Variants in LRP2 observed in about 807,000 individuals in gnomAD.
LRP2 encodes low-density lipoprotein receptor-related protein 2.
In LRP2, 172 loss-of-function variants were observed where a neutral mutation model predicts 531.0. That is an observed-to-expected ratio of 0.32 (90% CI 0.29 to 0.37). LRP2 has a LOEUF of 0.37. Among genes scored for constraint, LRP2 ranks in the 10% least tolerant of loss-of-function variants. The probability of loss-of-function intolerance (pLI) is 1.00; values close to 1 mark genes in which losing one functional copy is unlikely to be tolerated. For missense variants in LRP2, 5,167 were observed against 5,868.3 expected, an observed-to-expected ratio of 0.88 and a Z score of 3.90; for synonymous variants, 1,992 against 2,027.6, an observed-to-expected ratio of 0.98 and a Z score of 0.47.
Position 169,157,383 on chromosome 2 carries a change from T to C in LRP2, c.12007A>G (p.Thr4003Ala), listed in dbSNP as rs1558984303. ...AGFETNVFDR[T>A]SCLDINECEQ... ...AAATATACTCTACCTAGACAGGAGG[T>C]TCTGTCAAAAACATTGGTTTCGAAC... Residue 4003 changes from threonine (T) to alanine (A), a missense_variant, in exon 64 of 79, where the codon ACC becomes GCC. Coordinates refer to ENST00000649046, the MANE Select transcript of LRP2 (RefSeq NM_004525.3). The C allele has an allele frequency of 1.2e-6, 2 of 1,613,050 alleles. No homozygotes were observed. The highest frequency in any genetic ancestry group is 1.7e-5 in the Admixed American group (1 of 59,872).
intron 4 of LRP2, 84 bp from the exon 5 acceptor site, chr2:169,294,794 G>A: frequency 1.2e-6 from 1 of 839,828 alleles, no homozygotes; most frequent in Non-Finnish European, 1.9e-6. Context: ...CATTTATTGA[G>A]TGATTACTAT....
rs9967871 is a variant in LRP2 at position 169,153,239 on chromosome 2, C to T, written c.12296-275G>A. ...CATTTAAACGTATTTCAACAAAGTG[C>T]TTATTTACTCTTATTAGGATCAAGT... On this transcript the variant is annotated intron_variant, in intron 66 of 78. Coordinates refer to ENST00000649046, the MANE Select transcript of LRP2 (RefSeq NM_004525.3). Among the ~76,000 whole-genome samples, 1,481 of 152,296 alleles carry T rather than the reference C, an allele frequency of 9.7e-3. 23 individuals are homozygous for T. The highest frequency in any genetic ancestry group is 0.034 in the African/African-American group (1,393 of 41,568).
intron 4 of LRP2, among the ~76,000 whole-genome samples, chr2:169,300,337 C>A (rs548431425): frequency 6.6e-6 from 1 of 151,850 alleles, no homozygotes; most frequent in Non-Finnish European, 1.5e-5. Context: ...GATATTTGAA[C>A]AAGAACCATT....
chr2:169,136,664 GAAC>G (rs1685526664), intron 76 of LRP2, among the ~76,000 whole-genome samples: 1 of 129,956 alleles, frequency 7.7e-6, no homozygotes, highest in East Asian at 2.2e-4. Flanking sequence ...GCCCACCAGA[GAAC>G]AACCCCCCTT....
intron 45 of LRP2, among the ~76,000 whole-genome samples, chr2:169,197,759 A>G (rs1250945435): frequency 1.3e-5 from 2 of 152,202 alleles, no homozygotes; most frequent in Non-Finnish European, 2.9e-5. Context: ...AATAATTCCT[A>G]TCTGTCTAGC....
chr2:169,193,974 T>A, intron 46 of LRP2, 82 bp from the exon 47 acceptor site: 1 of 1,516,500 alleles, frequency 6.6e-7, no homozygotes, highest in South Asian at 1.1e-5. Context: ...GTAGCATGGG[T>A]TGTCTAGAAA....
Position 169,327,673 on chromosome 2 carries a change from C to CT in LRP2, c.80-6790_80-6789insA, listed in dbSNP as rs1431977015. 4.5e-5 allele frequency among the ~76,000 whole-genome samples: 5 copies of CT among 110,488 alleles called. 1 individual carries two copies. Among genetic ancestry groups the CT allele is most frequent in the Non-Finnish European group, 7.6e-5 (4 of 52,288 alleles). 72.5% of individuals were successfully genotyped at this position (110,488 alleles called of 152,430 possible). On this transcript the variant is annotated intron_variant, in intron 1 of 78. Coordinates refer to ENST00000649046, the MANE Select transcript of LRP2 (RefSeq NM_004525.3). ...GGGAGGGAGGTGGGGGGCTCAGCCC[C>CT]CTCCCGGCCAGCCGACCCATCCGGG... is the stretch of plus-strand genomic sequence containing the variant.
At chr2:169,204,365 C>T (rs1277541785) in intron 41 of LRP2, 94 bp from the exon 42 acceptor site, 47 of 1,178,004 alleles carry the variant, frequency 4.0e-5, no homozygotes, top group Non-Finnish European at 5.5e-5. Flanking sequence ...TCATTGTTTA[C>T]ACAAGCTGCA....
intron 4 of LRP2, among the ~76,000 whole-genome samples, chr2:169,306,222 G>C (rs752495779): frequency 4.3e-4 from 66 of 152,064 alleles, no homozygotes; most frequent in Non-Finnish European, 7.5e-4. Flanking sequence ...ATAAACGCTA[G>C]ACTTGTAAGA....
chr2:169,225,356 A>C lies in LRP2; in HGVS notation c.5492T>G (p.Ile1831Ser). The C allele has an allele frequency of 6.2e-7, 1 of 1,614,016 alleles. No homozygotes were observed. The highest frequency in any genetic ancestry group is 8.5e-7 in the Non-Finnish European group (1 of 1,179,942). Residue 1831 changes from isoleucine (I) to serine (S), a missense_variant, in exon 33 of 79, where the codon ATT (isoleucine) becomes AGT (serine). Transcript: ENST00000649046. The part of the protein sequence containing the change: ...GPSMNLALDW[I>S]SRNLYSTNPR... Reference sequence around the variant, plus strand: ...ATTGGTAGAATAAAGGTTTCTTGAAATCCAATCTAAGGCCAGGTTCATAGA... The same window carrying C: ...ATTGGTAGAATAAAGGTTTCTTGAACTCCAATCTAAGGCCAGGTTCATAGA...
At chr2:169,328,361 T>C (rs1574263110) in intron 1 of LRP2, among the ~76,000 whole-genome samples, 1 of 130,004 alleles carries the variant, frequency 7.7e-6, no homozygotes, top group Non-Finnish European at 1.6e-5. Context: ...CCACCCCTAC[T>C]AGGAAGTGAG....
chr2:169,151,527 G>C (rs1033155352), intron 67 of LRP2, among the ~76,000 whole-genome samples: 1 of 152,074 alleles, frequency 6.6e-6, no homozygotes, highest in African/African-American at 2.4e-5. Context: ...CCTCAGGAAA[G>C]AGCCCCGTTA....
At position 169,151,006 on chromosome 2, in the gene LRP2, A is replaced by G; in HGVS notation, c.12482T>C (p.Val4161Ala). 2 of 1,614,000 alleles carry G rather than the reference A, an allele frequency of 1.2e-6. No homozygotes were observed. The highest frequency in any genetic ancestry group is 1.7e-6 in the Non-Finnish European group (2 of 1,179,908). The change falls in exon 68 of 79, where the codon GTC (valine) becomes GCC (alanine). Residue 4161 changes from valine to alanine, a missense_variant. This residue lies in a region of LRP2 where 564 missense variants were observed against 747.7 expected (regional missense o/e 0.75). Coordinates refer to ENST00000649046, the MANE Select transcript of LRP2 (RefSeq NM_004525.3). The part of the protein sequence containing the change: ...WVGRHIYWSD[V>A]KNKRIEVAKL... ...AGCCACCTCAATGCGTTTATTCTTGACATCTGACCAGTAAATATGCCTGAA... is the reference window on the plus strand; with the variant it reads ...AGCCACCTCAATGCGTTTATTCTTGGCATCTGACCAGTAAATATGCCTGAA...
chr2:169,263,065 C>T (rs998733676), intron 16 of LRP2, among the ~76,000 whole-genome samples: 4 of 152,142 alleles, frequency 2.6e-5, no homozygotes, highest in Non-Finnish European at 4.4e-5. Flanking sequence ...AAACTGGATC[C>T]CTTCCTTACA....
intron 37 of LRP2, among the ~76,000 whole-genome samples, 165 bp downstream of exon 37, chr2:169,211,803 A>G (rs1688603342): frequency 6.6e-6 from 1 of 152,224 alleles, no homozygotes; most frequent in Non-Finnish European, 1.5e-5. Context: ...ATTCTGAGAC[A>G]CACTAAAGTT....
chr2:169,223,419 G>C (rs1689086765), intron 33 of LRP2, among the ~76,000 whole-genome samples: 1 of 152,206 alleles, frequency 6.6e-6, no homozygotes, highest in Non-Finnish European at 1.5e-5. Context: ...TAAAATAAGA[G>C]CATATTAATT....
rs984446529 is a variant in LRP2 at position 169,198,911 on chromosome 2, G to A, written c.8453C>T (p.Pro2818Leu). The change falls in exon 45 of 79, where the codon CCT (proline) becomes CTT (leucine). Residue 2818 changes from proline (P) to leucine (L), a missense_variant and splice_region_variant. This residue lies in a region of LRP2 where 1,129 missense variants were observed against 1,362.7 expected (regional missense o/e 0.83). Coordinates refer to ENST00000649046, the MANE Select transcript of LRP2 (RefSeq NM_004525.3). Reference sequence around the variant, plus strand: ...GTATCCAGACTGGCAAGTGCGATCAGCTTGAAAAAGACAACCAGATAAATA... The same window carrying A: ...GTATCCAGACTGGCAAGTGCGATCAACTTGAAAAAGACAACCAGATAAATA... ...DNNTSDEKNCPDRTCQSGYTK... is the reference protein window; with the variant it reads ...DNNTSDEKNCLDRTCQSGYTK... 1.9e-6 allele frequency: 3 copies of A among 1,612,852 alleles called. No homozygotes were observed. Among genetic ancestry groups the A allele is most frequent in the Admixed American group, 3.3e-5 (2 of 59,996 alleles).
At chr2:169,337,046 C>T (rs1432034583) in intron 1 of LRP2, among the ~76,000 whole-genome samples, 1 of 152,162 alleles carries the variant, frequency 6.6e-6, no homozygotes, top group Admixed American at 6.5e-5. Flanking sequence ...CTCCGCCTGA[C>T]TTCCCCCACC....
chr2:169,298,019 C>T (rs1684177529), intron 4 of LRP2, among the ~76,000 whole-genome samples: 1 of 151,844 alleles, frequency 6.6e-6, no homozygotes, highest in South Asian at 2.1e-4. Context: ...ACAAGTCCAG[C>T]CCAGACACCT....
Sources: gnomAD v4.1 joint callset for allele counts (sites outside exome capture counted in the v4.1 genomes callset) on GRCh38, gnomAD v4.1.1 for gene constraint, gnomAD v4.1.1 regional missense constraint, MANE v1.5 for transcripts, NCBI Gene and HGNC (gene_info 2026-07-23, HGNC 2026-07-21) for gene names.